ATP9B: variants seen among roughly 807,000 people sequenced by gnomAD.
ATP9B encodes probable phospholipid-transporting ATPase IIB.
Under a neutral mutation model 146.1 loss-of-function variants are expected in ATP9B, and 110 were observed. The observed-to-expected ratio is 0.75, with a 90% confidence interval of 0.65 to 0.88. ATP9B has a LOEUF of 0.88. Among genes scored for constraint, ATP9B ranks in the 40% least tolerant of loss-of-function variants. The probability of loss-of-function intolerance (pLI) is 0.00; values close to 1 mark genes in which losing one functional copy is unlikely to be tolerated. For synonymous variants in ATP9B, 604 were observed against 569.7 expected (o/e 1.06, Z -0.86); for missense variants, 1,499 against 1,496.4 (o/e 1.00, Z -0.03).
At chr18:79,093,806 C>T (rs907420981) in intron 1 of ATP9B, among the ~76,000 whole-genome samples, 1 of 152,144 alleles carries the variant, frequency 6.6e-6, no homozygotes, top group Non-Finnish European at 1.5e-5. Flanking sequence ...AAAAAAAGAA[C>T]TTCTGTTTTT....
intron 11 of ATP9B, among the ~76,000 whole-genome samples, chr18:79,241,877 C>G (rs988974269): frequency 6.6e-6 from 1 of 152,144 alleles, no homozygotes; most frequent in Non-Finnish European, 1.5e-5. Context: ...TCCCAGTGAC[C>G]CTTCGCTGCC....
intron 13 of ATP9B, among the ~76,000 whole-genome samples, chr18:79,289,020 C>T (rs1488993688): frequency 2.0e-5 from 3 of 152,082 alleles, no homozygotes; most frequent in Non-Finnish European, 4.4e-5. Context: ...GAGGGTAACC[C>T]GACCTTTCTC....
In ATP9B at chr18:79,239,957, C is replaced by T. The variant is rs370831521; in HGVS notation, c.1108-13424C>T. Among the ~76,000 whole-genome samples, 7 of 152,296 alleles carry T rather than the reference C, an allele frequency of 4.6e-5. No individual in the cohort carries two copies. In the East Asian group the frequency reaches 7.7e-4, roughly 17 times the overall value. On this transcript the variant is annotated intron_variant, in intron 11 of 29. Coordinates refer to ENST00000426216, the MANE Select transcript of ATP9B (RefSeq NM_198531.5). The surrounding 1 kb of genome is among the most constrained non-coding windows in gnomAD (Gnocchi z 5.1). The stretch of plus-strand genomic sequence containing the variant: ...ATCAGCGGTGACCAGCAGATCACCA[C>T]GCCTCAGGGGCCCCACACCCGCGGT...
At chr18:79,162,885 C>T (rs2094904980) in intron 7 of ATP9B, among the ~76,000 whole-genome samples, 1 of 152,164 alleles carries the variant, frequency 6.6e-6, no homozygotes. Flanking sequence ...CGTGCTCCGA[C>T]GGTGTCCTGT....
At chr18:79,080,460 G>A (rs964186874) in intron 1 of ATP9B, among the ~76,000 whole-genome samples, 1 of 152,198 alleles carries the variant, frequency 6.6e-6, no homozygotes, top group Admixed American at 6.5e-5. Context: ...GTATAGGAAT[G>A]CCTGTGATTT....
chr18:79,327,745 T>G (rs74937619), intron 15 of ATP9B, among the ~76,000 whole-genome samples: 38 of 135,560 alleles, frequency 2.8e-4, no homozygotes, highest in South Asian at 5.1e-4. Flanking sequence ...TAGCGTGCTC[T>G]CCGTGGTTAG....
rs116643167 is a variant in ATP9B, at chr18:79,346,399, A to G, written c.2682+560A>G. ...CTTGGTACACTTGTTTAGCACTACTATGCTTGGCACACACTTGGTCAGCGC... is the reference window on the plus strand; with the variant it reads ...CTTGGTACACTTGTTTAGCACTACTGTGCTTGGCACACACTTGGTCAGCGC... On this transcript the variant is annotated intron_variant, in intron 23 of 29. Transcript: ENST00000426216. 6.5e-3 allele frequency among the ~76,000 whole-genome samples: 988 copies of G among 151,392 alleles called. 5 individuals carry two copies. Among genetic ancestry groups the G allele is most frequent in the African/African-American group, 0.022 (925 of 41,222 alleles).
intron 11 of ATP9B, among the ~76,000 whole-genome samples, chr18:79,245,078 C>T (rs542032634): frequency 1.3e-5 from 2 of 152,192 alleles, no homozygotes; most frequent in East Asian, 3.8e-4. Flanking sequence ...CTCCCACCCC[C>T]CACTGTCAGG....
At chr18:79,139,770 A>G (rs1163857765) in intron 5 of ATP9B, among the ~76,000 whole-genome samples, 3 of 152,036 alleles carry the variant, frequency 2.0e-5, no homozygotes, top group Non-Finnish European at 4.4e-5. Context: ...TGTCTTATTC[A>G]TTCTTTCTAT....
At chr18:79,093,322 C>T (rs1390570688) in intron 1 of ATP9B, among the ~76,000 whole-genome samples, 1 of 152,106 alleles carries the variant, frequency 6.6e-6, no homozygotes, top group African/African-American at 2.4e-5. Context: ...ATGTAGACTT[C>T]TGCTTTCACA....
chr18:79,310,248 CTCA>C (rs1347604176), intron 15 of ATP9B, among the ~76,000 whole-genome samples: 3 of 152,212 alleles, frequency 2.0e-5, no homozygotes, highest in Non-Finnish European at 4.4e-5. Flanking sequence ...GTGTGTGCGC[CTCA>C]TCATGCACAG....
At chr18:79,344,735 T>C (rs1409633688) in intron 21 of ATP9B, among the ~76,000 whole-genome samples, 1 of 152,176 alleles carries the variant, frequency 6.6e-6, no homozygotes, top group Non-Finnish European at 1.5e-5. Flanking sequence ...TGGGTCGCAG[T>C]GATTGTTACT....
At chr18:79,143,740 G>T in intron 5 of ATP9B, 62 bp from the exon 6 acceptor site, 1 of 1,046,098 alleles carries the variant, frequency 9.6e-7, no homozygotes, top group Non-Finnish European at 1.4e-6. Context: ...TTTTTTAATT[G>T]AAAGTTGAAC....
chr18:79,076,467 G>C (rs918286107), intron 1 of ATP9B, among the ~76,000 whole-genome samples: 3 of 152,178 alleles, frequency 2.0e-5, no homozygotes, highest in African/African-American at 7.2e-5. Flanking sequence ...AACTTGAAAA[G>C]TGTTATGCCA....
At chr18:79,286,193 A>G (rs949655297) in intron 13 of ATP9B, among the ~76,000 whole-genome samples, 2 of 151,780 alleles carry the variant, frequency 1.3e-5, no homozygotes, top group African/African-American at 4.8e-5. Flanking sequence ...CATTGAATCT[A>G]TAAATTACCT....
intron 5 of ATP9B, among the ~76,000 whole-genome samples, chr18:79,140,083 TCA>T (rs1258509652): frequency 1.3e-5 from 2 of 152,158 alleles, no homozygotes; most frequent in African/African-American, 4.8e-5. Flanking sequence ...ATTAAAAGCT[TCA>T]CAGAGGTTAG....
At chr18:79,283,862 G>T (rs1162938162) in intron 13 of ATP9B, among the ~76,000 whole-genome samples, 1 of 152,178 alleles carries the variant, frequency 6.6e-6, no homozygotes, top group African/African-American at 2.4e-5. Flanking sequence ...CAGTGCCATT[G>T]TTTAAAGAAC....
chr18:79,109,752 G>T (rs2075880047), intron 2 of ATP9B, among the ~76,000 whole-genome samples: 1 of 152,022 alleles, frequency 6.6e-6, no homozygotes, highest in Admixed American at 6.6e-5. Flanking sequence ...TTTTAGTAGA[G>T]ACGGGGTTTT....
intron 13 of ATP9B, among the ~76,000 whole-genome samples, chr18:79,299,714 T>G (rs1214231178): frequency 6.6e-6 from 1 of 152,228 alleles, no homozygotes; most frequent in African/African-American, 2.4e-5. Flanking sequence ...AACTGAGGCT[T>G]GGAGAGCTTA....
Sources: gnomAD v4.1 joint callset for allele counts (sites outside exome capture counted in the v4.1 genomes callset) on GRCh38, gnomAD v4.1.1 for gene constraint, Gnocchi (gnomAD v3.1) non-coding constraint, MANE v1.5 for transcripts, NCBI Gene and HGNC (gene_info 2026-07-23, HGNC 2026-07-21) for gene names.